The following NDP variants were observed in gnomAD, a reference collection of about 807,000 sequenced individuals.
The protein encoded by NDP is norrin cystine knot growth factor NDP.
In NDP, 2 loss-of-function variants were observed where a neutral mutation model predicts 8.4. The ratio of observed to expected loss-of-function variants is 0.24; its 90% CI spans 0.10 to 0.75. The LOEUF is 0.75. Among genes scored for constraint, NDP ranks in the 30% least tolerant of loss-of-function variants. NDP has a pLI of 0.73. For synonymous variants in NDP, 55 were observed against 45.6 expected (o/e 1.21, Z -0.83); for missense variants, 81 against 110.1 (o/e 0.74, Z 1.18).
intron 2 of NDP, among the ~76,000 whole-genome samples, chrX:43,952,855 T>C (rs889124123): frequency 1.8e-5 from 2 of 111,018 alleles, no homozygotes; most frequent in African/African-American, 6.6e-5. Flanking sequence ...ATGACCCAGG[T>C]TTCACATGTA....
At chrX:43,957,381 T>G (rs1214432769) in intron 2 of NDP, among the ~76,000 whole-genome samples, 1 of 111,682 alleles carries the variant, frequency 9.0e-6, no homozygotes, top group African/African-American at 3.3e-5. Context: ...CAGAAAGTTT[T>G]TATTAAGTGG....
intron 1 of NDP, among the ~76,000 whole-genome samples, chrX:43,964,462 C>T (rs775850792): frequency 9.0e-6 from 1 of 111,189 alleles, no homozygotes; most frequent in Non-Finnish European, 1.9e-5. Flanking sequence ...TGAGGAGGGA[C>T]TGGAGTGGGA....
At chrX:43,969,555 C>T (rs989114529) in intron 1 of NDP, 1 of 112,871 alleles carries the variant, frequency 8.9e-6, no homozygotes, top group Non-Finnish European at 1.9e-5. Context: ...TTCCTGCCAA[C>T]CCGGTCACTC....
At chrX:43,965,973 A>G (rs1341724870) in intron 1 of NDP, among the ~76,000 whole-genome samples, 1 of 111,822 alleles carries the variant, frequency 8.9e-6, no homozygotes, top group East Asian at 2.8e-4. Flanking sequence ...TGGCCCACAG[A>G]TAATCAGAAA....
chrX:43,962,701 C>T (rs5952411), intron 1 of NDP, among the ~76,000 whole-genome samples: 24,596 of 111,172 alleles, frequency 0.22, 2,136 homozygotes, highest in Non-Finnish European at 0.27. Flanking sequence ...CCTGTGGCCA[C>T]GCTATGCTCT....
At chrX:43,969,901 T>A (rs184416742) in intron 1 of NDP, among the ~76,000 whole-genome samples, 3 of 111,615 alleles carry the variant, frequency 2.7e-5, no homozygotes, top group African/African-American at 9.8e-5. Context: ...ATTCCAGGAC[T>A]GGCGGGAGGA....
chrX:43,966,519 C>A (rs2035858783), intron 1 of NDP: 1 of 111,745 alleles, frequency 8.9e-6, no homozygotes, highest in Non-Finnish European at 1.9e-5. Context: ...TTACATAAGA[C>A]CCTTTAGAAG....
chrX:43,950,500 T>G (rs1362725877), intron 2 of NDP, among the ~76,000 whole-genome samples: 1 of 88,686 alleles, frequency 1.1e-5, no homozygotes, highest in African/African-American at 4.2e-5. Context: ...GTGCAGGAAA[T>G]AGCTAAAGAA....
At chrX:43,971,091 C>G (rs2147215300) in intron 1 of NDP, among the ~76,000 whole-genome samples, 1 of 111,926 alleles carries the variant, frequency 8.9e-6, no homozygotes, top group Non-Finnish European at 1.9e-5. Context: ...AAAGTTATTG[C>G]CCACTTTACC....
chrX:43,973,133 C>T (rs763060383), intron 1 of NDP, among the ~76,000 whole-genome samples, 171 bp downstream of exon 1: 6 of 112,644 alleles, frequency 5.3e-5, no homozygotes, highest in Admixed American at 2.8e-4. Flanking sequence ...TTCAAAGACC[C>T]GTTCATTTAA....
intron 1 of NDP, among the ~76,000 whole-genome samples, chrX:43,970,042 T>C (rs943346946): frequency 4.5e-5 from 5 of 112,202 alleles, no homozygotes; most frequent in Non-Finnish European, 1.9e-5. Context: ...GTTCAAAGGC[T>C]TACAACCTTG....
intron 1 of NDP, among the ~76,000 whole-genome samples, chrX:43,970,480 G>A (rs1040779908): frequency 1.8e-5 from 2 of 111,745 alleles, no homozygotes; most frequent in South Asian, 7.5e-4. Context: ...TGCTGATAAG[G>A]ACCAAGTCAA....
At position 43,950,043 on chromosome X, in the gene NDP, A is replaced by G; in HGVS notation, c.175-17T>C. 8.6e-7 allele frequency: 1 copy of G among 1,169,452 alleles called. No homozygotes were observed. The highest frequency in any genetic ancestry group is 1.2e-6 in the Non-Finnish European group (1 of 866,677). ...GAGCACCATCTGGGGAAAGAAAAGG[A>G]GGTGGTTACTCTGTGGGCATGCCAC... On this transcript the variant is annotated splice_polypyrimidine_tract_variant and intron_variant, in intron 2 of 2. Transcript: ENST00000642620.
intron 1 of NDP, among the ~76,000 whole-genome samples, chrX:43,960,301 T>C (rs2035819392): frequency 8.9e-6 from 1 of 111,856 alleles, no homozygotes; most frequent in Non-Finnish European, 1.9e-5. Context: ...TTTCCTCATC[T>C]GTAGAGGGAA....
chrX:43,950,103 A>G (rs2035752471), intron 2 of NDP, 77 bp from the exon 3 acceptor site: 1 of 922,846 alleles, frequency 1.1e-6, no homozygotes, highest in East Asian at 3.4e-5. Flanking sequence ...CTTTTGAAAG[A>G]CCCTCACACT....
chrX:43,971,644 A>G (rs914533277), intron 1 of NDP, among the ~76,000 whole-genome samples: 1 of 112,025 alleles, frequency 8.9e-6, no homozygotes, highest in Admixed American at 9.5e-5. Context: ...TAATAGTCTA[A>G]GAAAATTGTT....
rs186519653 is a variant in NDP at position 43,967,332 on chromosome X, A to T, written c.-208+5972T>A. On this transcript the variant is annotated intron_variant, in intron 1 of 2. Transcript: ENST00000642620. The stretch of plus-strand genomic sequence containing the variant: ...CCTAAAATATCCTCTCAAGTTTTAA[A>T]GAAAAATTGGACTTTGATTAAGGAT... 6.3e-5 allele frequency among the ~76,000 whole-genome samples: 7 copies of T among 111,890 alleles called. No homozygotes were observed. In the East Asian group the frequency reaches 2.0e-3, roughly 32 times the overall value.
intron 2 of NDP, among the ~76,000 whole-genome samples, chrX:43,951,706 A>G (rs1237315106): frequency 9.0e-6 from 1 of 111,339 alleles, no homozygotes; most frequent in African/African-American, 3.3e-5. Flanking sequence ...GTAATTATAG[A>G]TTATTGGCAT....
intron 1 of NDP, among the ~76,000 whole-genome samples, chrX:43,960,103 G>C (rs1163653479): frequency 1.9e-5 from 2 of 107,569 alleles, no homozygotes; most frequent in African/African-American, 6.9e-5. Context: ...GTGTGAGATA[G>C]GGCTGTTTCA....
Sources: gnomAD v4.1 joint callset for allele counts (sites outside exome capture counted in the v4.1 genomes callset) on GRCh38, gnomAD v4.1.1 for gene constraint, MANE v1.5 for transcripts, NCBI Gene and HGNC (gene_info 2026-07-23, HGNC 2026-07-21) for gene names.